The following ANKH variants were observed in gnomAD, a reference collection of about 807,000 sequenced individuals.
ANKH encodes the protein mineralization regulator ANKH.
In ANKH, 15 loss-of-function variants were observed where a neutral mutation model predicts 49.0. The ratio of observed to expected loss-of-function variants is 0.31; its 90% CI spans 0.20 to 0.47. The LOEUF (loss-of-function observed/expected upper bound fraction) is 0.47. Among genes scored for constraint, ANKH ranks in the 20% least tolerant of loss-of-function variants. The pLI, the probability that ANKH is intolerant of heterozygous loss-of-function variation, is 1.00. For missense variants in ANKH, 429 were observed against 652.0 expected (o/e 0.66, Z 3.72); for synonymous variants, 273 against 260.0 (o/e 1.05, Z -0.48).
chr5:14,834,290 T>C lies in ANKH; in HGVS notation c.96+37062A>G, dbSNP rs191660036. Among the ~76,000 whole-genome samples the C allele has an allele frequency of 4.7e-4, 72 of 152,170 alleles. 1 individual carries two copies. Among genetic ancestry groups the C allele is most frequent in the African/African-American group, 1.2e-3 (49 of 41,516 alleles). On this transcript the variant is annotated intron_variant, in intron 1 of 11. Transcript: ENST00000284268. ...GGACCTGCGTCACAGGGGAAAGCAT[T>C]GGTAAATGCTCAGTCTCTGAATGGT...
At position 14,787,364 on chromosome 5, in the gene ANKH, A is replaced by C. The variant is rs188093081; in HGVS notation, c.97-18173T>G. Among the ~76,000 whole-genome samples the C allele has an allele frequency of 2.2e-3, 331 of 152,102 alleles. 2 individuals carry two copies. The highest frequency in any genetic ancestry group is 7.7e-3 in the African/African-American group (318 of 41,404). ...CAAGAAACAGTGTTAAGTAGAAGTA[A>C]GTTGCAAGTCAAGCAATATAAAATA... On this transcript the variant is annotated intron_variant, in intron 1 of 11. Transcript: ENST00000284268.
intron 1 of ANKH, among the ~76,000 whole-genome samples, chr5:14,840,374 C>A (rs528033079): frequency 6.6e-6 from 1 of 152,260 alleles, no homozygotes; most frequent in African/African-American, 2.4e-5. Context: ...TGCCCTAGGA[C>A]AAAACCAAAT....
At chr5:14,765,213 A>G (rs1739221299) in intron 2 of ANKH, among the ~76,000 whole-genome samples, 2 of 152,228 alleles carry the variant, frequency 1.3e-5, no homozygotes, top group African/African-American at 2.4e-5. Context: ...AGTCGTGGCT[A>G]TGGTTAAGCT....
At chr5:14,811,966 G>A (rs1001923599) in intron 1 of ANKH, among the ~76,000 whole-genome samples, 1 of 152,096 alleles carries the variant, frequency 6.6e-6, no homozygotes, top group African/African-American at 2.4e-5. Context: ...CCTTTTAGAA[G>A]TCTGAATGTA....
chr5:14,779,691 A>G (rs536311962), intron 1 of ANKH, among the ~76,000 whole-genome samples: 1 of 152,360 alleles, frequency 6.6e-6, no homozygotes, highest in South Asian at 2.1e-4. Context: ...TGAAAAACCC[A>G]TACTTTTTTG....
intron 1 of ANKH, among the ~76,000 whole-genome samples, chr5:14,856,928 G>A (rs189015735): frequency 1.9e-4 from 29 of 152,200 alleles, no homozygotes; most frequent in Admixed American, 1.8e-3. Flanking sequence ...GGAAGGTGTG[G>A]ATGTTTTTTT....
intron 1 of ANKH, among the ~76,000 whole-genome samples, chr5:14,812,771 G>GT (rs1481646825): frequency 6.6e-6 from 1 of 152,158 alleles, no homozygotes; most frequent in African/African-American, 2.4e-5. Flanking sequence ...TACAGTTTTA[G>GT]TAAGTGTCAG....
At position 14,795,601 on chromosome 5, in the gene ANKH, C is replaced by T. The variant is rs7703799; in HGVS notation, c.97-26410G>A. Among the ~76,000 whole-genome samples the T allele has an allele frequency of 7.5e-3, 1,146 of 152,322 alleles. 17 individuals carry two copies. Among genetic ancestry groups the T allele is most frequent in the African/African-American group, 0.026 (1,097 of 41,566 alleles). On this transcript the variant is annotated intron_variant, in intron 1 of 11. Transcript: ENST00000284268. Reference sequence around the variant, plus strand: ...TGGTGGCTCACGCCTGTAATCCCAGCACTTTGGGAGGCAAAGGCAGGTGGA... The same window carrying T: ...TGGTGGCTCACGCCTGTAATCCCAGTACTTTGGGAGGCAAAGGCAGGTGGA...
intron 1 of ANKH, among the ~76,000 whole-genome samples, chr5:14,832,899 G>A (rs1741543496): frequency 6.6e-6 from 1 of 152,190 alleles, no homozygotes; most frequent in South Asian, 2.1e-4. Context: ...CTGAAAAGGA[G>A]AAATTTGTCT....
chr5:14,802,059 G>A (rs1000111547), intron 1 of ANKH, among the ~76,000 whole-genome samples: 1 of 151,730 alleles, frequency 6.6e-6, no homozygotes, highest in African/African-American at 2.4e-5. Flanking sequence ...TCTTCCTGTC[G>A]ACAGTGCCAA....
rs1050070144 is a variant in ANKH at position 14,770,185 on chromosome 5, T to C, written c.97-994A>G. Among the ~76,000 whole-genome samples, 12 of 152,266 alleles carry C rather than the reference T, an allele frequency of 7.9e-5. No individual in the cohort carries two copies. Among genetic ancestry groups the C allele is most frequent in the Middle Eastern group, 3.4e-3 (1 of 294 alleles). On this transcript the variant is annotated intron_variant, in intron 1 of 11. Transcript: ENST00000284268. The surrounding 1 kb of genome is among the most constrained non-coding windows in gnomAD (Gnocchi z 4.1). ...AGGCAGTTTTAGGTTCACAGTAAAA[T>C]TGAGCAGAAAGTACAGAGCATTCCC...
At chr5:14,831,603 G>C (rs1490214991) in intron 1 of ANKH, among the ~76,000 whole-genome samples, 1 of 152,064 alleles carries the variant, frequency 6.6e-6, no homozygotes, top group Non-Finnish European at 1.5e-5. Context: ...ATGCTCAAGG[G>C]GGGCCCTGCA....
Position 14,710,714 on chromosome 5 carries a change from G to C in ANKH, c.*483C>G, listed in dbSNP as rs1737141011. 1 of 184,104 alleles carries C rather than the reference G, an allele frequency of 5.4e-6. No homozygotes were observed. Among genetic ancestry groups the C allele is most frequent in the African/African-American group, 2.4e-5 (1 of 42,138 alleles). 11.4% of individuals were successfully genotyped at this position (184,104 alleles called of 1,614,324 possible). On this transcript the variant is annotated 3_prime_UTR_variant, in exon 12 of 12. Transcript: ENST00000284268. Reference sequence around the variant, plus strand: ...AAGGGAAATTTAAGAGGCCACCGGGGCTCCATCTCTTTGTACGGCCATGTG... The same window carrying C: ...AAGGGAAATTTAAGAGGCCACCGGGCCTCCATCTCTTTGTACGGCCATGTG...
chr5:14,718,837 C>CCA (rs368030053), intron 8 of ANKH, among the ~76,000 whole-genome samples: 3,159 of 145,058 alleles, frequency 0.022, 150 homozygotes, highest in African/African-American at 0.077. Flanking sequence ...CCACCCCCCC[C>CCA]CCAAAAAAAA....
intron 2 of ANKH, among the ~76,000 whole-genome samples, chr5:14,760,283 G>C (rs1037271326): frequency 3.9e-5 from 6 of 152,184 alleles, no homozygotes; most frequent in Non-Finnish European, 7.4e-5. Context: ...ATGGATGGAA[G>C]GAGGCAGCTG....
chr5:14,769,009 T>C lies in ANKH; in HGVS notation c.279A>G (p.Ala93=). The C allele has an allele frequency of 1.2e-6, 2 of 1,614,236 alleles. No homozygotes were observed. The highest frequency in any genetic ancestry group is 2.2e-5 in the East Asian group (1 of 44,890). ...TGTGAAAGACGGCAGCGATGGCCCCTGCCACCACCATACACAGGACGGCTT... is the reference window on the plus strand; with the variant it reads ...TGTGAAAGACGGCAGCGATGGCCCCCGCCACCACCATACACAGGACGGCTT... ...RTKAVLCMVV[A]GAIAAVFHTL... is the part of the protein sequence containing the mutation. The change falls in exon 2 of 12, where the codon GCA becomes GCG. Residue 93 remains alanine, a synonymous_variant. Coordinates refer to ENST00000284268, the MANE Select transcript of ANKH (RefSeq NM_054027.6).
At chr5:14,854,206 C>T (rs537450029) in intron 1 of ANKH, among the ~76,000 whole-genome samples, 2 of 152,292 alleles carry the variant, frequency 1.3e-5, no homozygotes, top group Admixed American at 1.3e-4. Flanking sequence ...GTACGGCTCC[C>T]ACTGACAGAG....
Position 14,737,494 on chromosome 5 carries a change from CTCACTG to C in ANKH, c.1011+4327_1011+4332del, listed in dbSNP as rs1738224193. On this transcript the variant is annotated intron_variant, in intron 8 of 11. Transcript: ENST00000284268. This position sits in a 1 kb window ranked among gnomAD's most constrained non-coding sequence, Gnocchi z 5.0. ...GAGAAGCACAGCCTTTTAGGGCACA[CTCACTG>C]TCACTGTGTTCTACAGCCAGTCACA... 6.6e-6 allele frequency among the ~76,000 whole-genome samples: 1 copy of C among 152,336 alleles called. No homozygotes were observed. Among genetic ancestry groups the C allele is most frequent in the Middle Eastern group, 3.4e-3 (1 of 294 alleles).
chr5:14,838,786 TAAC>T (rs1291092875), intron 1 of ANKH, among the ~76,000 whole-genome samples: 1 of 152,140 alleles, frequency 6.6e-6, no homozygotes, highest in Non-Finnish European at 1.5e-5. Context: ...TTAATGAGCA[TAAC>T]AAAACACTCC....
Sources: allele counts gnomAD v4.1 joint callset (sites outside exome capture counted in the v4.1 genomes callset), GRCh38; gene constraint gnomAD v4.1.1; non-coding constraint Gnocchi (gnomAD v3.1); transcripts MANE v1.5; gene names NCBI Gene and HGNC (gene_info 2026-07-23, HGNC 2026-07-21).